Variants in AMT observed in about 807,000 individuals in gnomAD.
The protein encoded by AMT is aminomethyltransferase, mitochondrial.
Under a neutral mutation model 39.5 loss-of-function variants are expected in AMT, and 24 were observed. The ratio of observed to expected loss-of-function variants is 0.61; its 90% CI spans 0.44 to 0.86. The LOEUF is 0.86. Ranked by LOEUF, AMT falls within the 40% of genes least tolerant of loss-of-function variation. AMT has a pLI of 0.00. For synonymous variants in AMT, 210 were observed against 212.1 expected, an observed-to-expected ratio of 0.99 and a Z score of 0.09; for missense variants, 501 against 537.0, an observed-to-expected ratio of 0.93 and a Z score of 0.66.
rs1171313412 is a variant in AMT, at chr3:49,422,366, C to T, written c.85G>A (p.Ala29Thr). 5.0e-6 allele frequency: 8 copies of T among 1,611,510 alleles called. No homozygotes were observed. Among genetic ancestry groups the T allele is most frequent in the East Asian group, 2.2e-5 (1 of 44,738 alleles). ...ATCAGCACCCTCTATCCCACCTGTG[C>T]GCAACTAAGTGGACGACACAAGGCC... ...PPALCRPLSC[A>T]QEVLRRTPLY... Residue 29 changes from alanine to threonine, a missense_variant, in exon 1 of 9, where the codon GCA (alanine) becomes ACA (threonine). Ala to Thr is a moderately conservative substitution (Grantham distance 58). Coordinates refer to ENST00000273588, the MANE Select transcript of AMT (RefSeq NM_000481.4).
At chr3:49,421,257 A>C (rs2049097432) in intron 3 of AMT, 1 of 556,198 alleles carries the variant, frequency 1.8e-6, no homozygotes, top group Non-Finnish European at 3.2e-6. Flanking sequence ...ATGGCCAGAG[A>C]GCAGCATATT....
Position 49,419,087 on chromosome 3 carries a change from T to G in AMT, c.761A>C (p.Lys254Thr), listed in dbSNP as rs2049052343. The change falls in exon 7 of 9, where the codon AAG becomes ACG. Residue 254 changes from lysine (K) to threonine (T), a missense_variant. Physicochemically the swap from Lys to Thr is moderately conservative, Grantham distance 78. Coordinates refer to ENST00000273588, the MANE Select transcript of AMT (RefSeq NM_000481.4). Reference protein sequence around the residue: ...ATAILKNPEVKLAGLAARDSL... With the variant: ...ATAILKNPEVTLAGLAARDSL... Reference sequence around the variant, plus strand: ...GTCCCTGGCTGCCAGCCCTGCCAGCTTCACCTCTGGGTTTTTCAGAATAGC... The same window carrying G: ...GTCCCTGGCTGCCAGCCCTGCCAGCGTCACCTCTGGGTTTTTCAGAATAGC... 6.2e-7 allele frequency: 1 copy of G among 1,613,868 alleles called. No homozygotes were observed. Among genetic ancestry groups the G allele is most frequent in the East Asian group, 2.2e-5 (1 of 44,884 alleles).
At chr3:49,422,047 C>A in intron 2 of AMT, 57 bp downstream of exon 2, 2 of 1,609,808 alleles carry the variant, frequency 1.2e-6, no homozygotes, top group Non-Finnish European at 1.7e-6. Context: ...AAGGAGTGGA[C>A]CACTGTAAAC....
At chr3:49,418,317 G>A (rs2049034789) in intron 7 of AMT, 1 of 339,858 alleles carries the variant, frequency 2.9e-6, no homozygotes, top group South Asian at 2.8e-5. Context: ...CGAGTAGCTG[G>A]GATAACAGGC....
chr3:49,422,068 G>A, intron 2 of AMT, 36 bp downstream of exon 2: 1 of 1,612,672 alleles, frequency 6.2e-7, no homozygotes. Flanking sequence ...AGGGAGGAAG[G>A]CCTGATCAGA....
At chr3:49,419,174 G>A (rs754136750) in intron 6 of AMT, 23 bp from the exon 7 acceptor site, 1 of 1,613,464 alleles carries the variant, frequency 6.2e-7, no homozygotes, top group Non-Finnish European at 8.5e-7. Context: ...CCAGAGGGCA[G>A]ATGGGAAGCT....
Position 49,417,565 on chromosome 3 carries a change from G to C in AMT, c.1187C>G (p.Pro396Arg). The C allele has an allele frequency of 6.2e-7, 1 of 1,614,176 alleles. No homozygotes were observed. Among genetic ancestry groups the C allele is most frequent in the Non-Finnish European group, 8.5e-7 (1 of 1,180,036 alleles). ...TCACTTGAGGGTATAGTAGTTTGTG[G>C]GCACAAAGGGCATCTTGCTGACTAC... ...MAVVSKMPFV[P>R]TNYYTLK Residue 396 changes from proline to arginine, a missense_variant, in exon 9 of 9, where the codon CCC becomes CGC. Coordinates refer to ENST00000273588, the MANE Select transcript of AMT (RefSeq NM_000481.4).
Position 49,420,359 on chromosome 3 carries a change from G to A in AMT, c.340-17C>T, listed in dbSNP as rs139425477. 11 of 1,614,034 alleles carry A rather than the reference G, an allele frequency of 6.8e-6. No homozygotes were observed. The East Asian group carries it at 8.9e-5, about 13-fold the overall frequency. ...CAGTGTCCCCTAGGACCAAAGTGGA[G>A]CGTTTTGGCTTCCAGGTCCAGGAGG... On this transcript the variant is annotated splice_polypyrimidine_tract_variant and intron_variant, in intron 3 of 8. Transcript: ENST00000273588.
Position 49,417,972 on chromosome 3 carries a change from C to G in AMT, c.879G>C (p.Gly293=), listed in dbSNP as rs972670254. The change falls in exon 8 of 9, where the codon GGG becomes GGC. Residue 293 remains glycine (G), a splice_region_variant and synonymous_variant. Transcript: ENST00000273588. ...AGTCCATAGCAGCTCGGCGGCGCTT[C>G]CCTGGAGAATGACACATGAGACATA... is the stretch of plus-strand genomic sequence containing the variant. ...PVEGSLSWTL[G]KRRRAAMDFP... 5 of 1,608,152 alleles carry G rather than the reference C, an allele frequency of 3.1e-6. No homozygotes were observed. Among genetic ancestry groups the G allele is most frequent in the Middle Eastern group, 1.7e-4 (1 of 5,814 alleles).
In AMT at chr3:49,417,826, G is replaced by C; in HGVS notation, c.1025C>G (p.Thr342Ser). 1 of 1,613,998 alleles carries C rather than the reference G, an allele frequency of 6.2e-7. No homozygotes were observed. The highest frequency in any genetic ancestry group is 8.5e-7 in the Non-Finnish European group (1 of 1,180,014). The change falls in exon 8 of 9, where the codon ACC becomes AGC. Residue 342 changes from threonine (T) to serine (S), a missense_variant. Thr to Ser is a moderately conservative substitution (Grantham distance 58, BLOSUM62 1). Transcript: ENST00000273588. ...TTCCCTGGTCCACCTACCAATCTTG[G>C]TACCCTCCATGTTCAGGATGGGACT... is the stretch of plus-strand genomic sequence containing the variant. ...AHSPILNMEGTKIGTVTSGCP... is the reference protein window; with the variant it reads ...AHSPILNMEGSKIGTVTSGCP...
chr3:49,418,591 G>A lies in AMT; in HGVS notation c.877+380C>T, dbSNP rs1260188072. On this transcript the variant is annotated intron_variant, in intron 7 of 8. Coordinates refer to ENST00000273588, the MANE Select transcript of AMT (RefSeq NM_000481.4). ...ATCTCGGCTCACTGCAAACTCCGCC[G>A]CCCAGGTTCATGCCATTCTCCTGCC... 1.0e-4 allele frequency: 23 copies of A among 220,814 alleles called. No individual in the cohort carries two copies. The East Asian group carries it at 1.3e-3, about 12-fold the overall frequency. The allele number at this position is 220,814 out of a possible 1,614,324, so 13.7% of individuals were successfully genotyped here. A position where few individuals can be genotyped will look rare whatever the true frequency, so the allele number is the denominator to read the frequency against.
chr3:49,417,432 C>T lies in AMT; in HGVS notation c.*108G>A, dbSNP rs1021148791. ...GGCCCCTCAACCAGACAATTAGAAT[C>T]AGCCTCCACCTTAACTGCCCACCCC... On this transcript the variant is annotated 3_prime_UTR_variant, in exon 9 of 9. Transcript: ENST00000273588. 6 of 1,612,714 alleles carry T rather than the reference C, an allele frequency of 3.7e-6. No individual in the cohort carries two copies. The African/African-American group carries it at 8.0e-5, about 22-fold the overall frequency.
chr3:49,419,238 C>T, intron 6 of AMT, 22 bp downstream of exon 6: 1 of 1,614,056 alleles, frequency 6.2e-7, no homozygotes, highest in Non-Finnish European at 8.5e-7. Context: ...CTGTACTGCC[C>T]CCACACCACT....
rs1700296839 is a variant in AMT at position 49,419,039 on chromosome 3, A to G, written c.809T>C (p.Leu270Pro). The change falls in exon 7 of 9, where the codon CTC becomes CCC. Residue 270 changes from leucine to proline, a missense_variant. Leu to Pro is a moderately conservative substitution (Grantham distance 98, BLOSUM62 -3). Transcript: ENST00000273588. Reference protein sequence around the residue: ...ARDSLRLEAGLCLYGNDIDEH... With the variant: ...ARDSLRLEAGPCLYGNDIDEH... The stretch of plus-strand genomic sequence containing the variant: ...ATCAATGTCATTCCCATACAGGCAG[A>G]GGCCTGCCTCCAGGCGCAGGCTGTC... The G allele has an allele frequency of 6.2e-7, 1 of 1,613,924 alleles. No homozygotes were observed. Among genetic ancestry groups the G allele is most frequent in the South Asian group, 1.1e-5 (1 of 91,076 alleles).
In AMT at chr3:49,419,055, G is replaced by A. The variant is rs779483959; in HGVS notation, c.793C>T (p.Arg265Cys). Reference sequence around the variant, plus strand: ...TACAGGCAGAGGCCTGCCTCCAGGCGCAGGCTGTCCCTGGCTGCCAGCCCT... The same window carrying A: ...TACAGGCAGAGGCCTGCCTCCAGGCACAGGCTGTCCCTGGCTGCCAGCCCT... The part of the protein sequence containing the change: ...LAGLAARDSL[R>C]LEAGLCLYGN... The change falls in exon 7 of 9, where the codon CGC becomes TGC. Residue 265 changes from arginine (R) to cysteine (C), a missense_variant. Physicochemically the swap from Arg to Cys is radical, Grantham distance 180. Transcript: ENST00000273588. 2.5e-6 allele frequency: 4 copies of A among 1,613,726 alleles called. No homozygotes were observed. Among genetic ancestry groups the A allele is most frequent in the African/African-American group, 1.3e-5 (1 of 74,806 alleles).
In AMT at chr3:49,419,075, A is replaced by T; in HGVS notation, c.773T>A (p.Leu258Gln). 1 of 1,614,000 alleles carries T rather than the reference A, an allele frequency of 6.2e-7. No homozygotes were observed. Among genetic ancestry groups the T allele is most frequent in the Non-Finnish European group, 8.5e-7 (1 of 1,179,986 alleles). The change falls in exon 7 of 9, where the codon CTG becomes CAG. Residue 258 changes from leucine (L) to glutamine (Q), a missense_variant. Physicochemically the swap from Leu to Gln is moderately radical, Grantham distance 113. Transcript: ENST00000273588. Reference sequence around the variant, plus strand: ...CAGGCGCAGGCTGTCCCTGGCTGCCAGCCCTGCCAGCTTCACCTCTGGGTT... The same window carrying T: ...CAGGCGCAGGCTGTCCCTGGCTGCCTGCCCTGCCAGCTTCACCTCTGGGTT... ...LKNPEVKLAG[L>Q]AARDSLRLEA...
rs1026854868 is a variant in AMT, at chr3:49,422,470, A to C, written c.-20T>G. 6.2e-7 allele frequency: 1 copy of C among 1,610,796 alleles called. No homozygotes were observed. ...CTGCATCGTCGCCTGCAACGAGTGC[A>C]GACGGCGCACAGAGGCCACCACACT... is the stretch of plus-strand genomic sequence containing the variant. On this transcript the variant is annotated 5_prime_UTR_variant, in exon 1 of 9. Coordinates refer to ENST00000273588, the MANE Select transcript of AMT (RefSeq NM_000481.4).
At chr3:49,421,827 C>T in intron 2 of AMT, 1 of 676,416 alleles carries the variant, frequency 1.5e-6, no homozygotes, top group Non-Finnish European at 2.6e-6. Context: ...TTCAAACCAA[C>T]ATCCAGCCCA....
In AMT at chr3:49,417,737, C is replaced by T. The variant is rs760086617; in HGVS notation, c.1034-19G>A. 3.7e-6 allele frequency: 6 copies of T among 1,613,820 alleles called. No individual in the cohort carries two copies. The highest frequency in any genetic ancestry group is 5.1e-6 in the Non-Finnish European group (6 of 1,180,030). ...ACAGTACCTGTCAAGCAAGCATAAG[C>T]CACGCATCAGCACCACCCTGCCAGT... On this transcript the variant is annotated intron_variant, in intron 8 of 8. Coordinates refer to ENST00000273588, the MANE Select transcript of AMT (RefSeq NM_000481.4).
Sources: gnomAD v4.1 joint callset for allele counts on GRCh38, gnomAD v4.1.1 for gene constraint, MANE v1.5 for transcripts, NCBI Gene and HGNC (gene_info 2026-07-23, HGNC 2026-07-21) for gene names.